Variants in SLC4A10 observed in about 807,000 individuals in gnomAD.
SLC4A10 encodes the protein sodium-driven chloride bicarbonate exchanger.
SLC4A10 carries 42 observed loss-of-function variants against 137.7 expected under a neutral mutation model. The observed-to-expected ratio is 0.30, with a 90% CI of 0.24 to 0.39. The LOEUF (loss-of-function observed/expected upper bound fraction) is 0.39. Among genes scored for constraint, SLC4A10 ranks in the 10% least tolerant of loss-of-function variants. The pLI is 1.00. For synonymous variants in SLC4A10, 474 were observed against 464.1 expected, an observed-to-expected ratio of 1.02 and a Z score of -0.27; for missense variants, 925 against 1,355.0, an observed-to-expected ratio of 0.68 and a Z score of 4.98.
chr2:161,951,957 A>G (rs1012852740), intron 19 of SLC4A10, among the ~76,000 whole-genome samples: 7 of 152,198 alleles, frequency 4.6e-5, no homozygotes, highest in Non-Finnish European at 8.8e-5. Flanking sequence ...AACGTAAGTT[A>G]AGAATTCTCA....
At chr2:161,881,431 A>G (rs2061772884) in intron 9 of SLC4A10, among the ~76,000 whole-genome samples, 1 of 152,006 alleles carries the variant, frequency 6.6e-6, no homozygotes, top group African/African-American at 2.4e-5. Flanking sequence ...ATATTGTCAT[A>G]TCCTCTACAA....
At position 161,947,582 on chromosome 2, in the gene SLC4A10, A is replaced by G; in HGVS notation, c.2120A>G (p.His707Arg). Residue 707 changes from histidine to arginine, a missense_variant, in exon 17 of 27, where the codon CAT becomes CGT. His to Arg is a conservative substitution (Grantham distance 29, BLOSUM62 0). Around this residue, in one of 11 missense-constraint regions of SLC4A10, gnomAD observed 91 missense variants for 95.6 expected, o/e 0.95. Coordinates refer to ENST00000446997, the MANE Select transcript of SLC4A10 (RefSeq NM_001178015.2). ...NLTVSECKSL[H>R]GEYVGRACGH... is the part of the protein sequence containing the mutation. ...CTCTGGCAGGAATGCAAATCATTGC[A>G]TGGAGAGTATGTTGGACGGGCCTGT... 2 of 1,611,582 alleles carry G rather than the reference A, an allele frequency of 1.2e-6. No homozygotes were observed. The highest frequency in any genetic ancestry group is 1.1e-5 in the South Asian group (1 of 90,584).
At chr2:161,924,890 T>C (rs1427972556) in intron 15 of SLC4A10, among the ~76,000 whole-genome samples, 1 of 152,152 alleles carries the variant, frequency 6.6e-6, no homozygotes, top group African/African-American at 2.4e-5. Context: ...GGAGAAGCCA[T>C]ATCATCAGGT....
At chr2:161,877,759 A>G (rs1203555891) in intron 8 of SLC4A10, among the ~76,000 whole-genome samples, 5 of 152,056 alleles carry the variant, frequency 3.3e-5, no homozygotes, top group African/African-American at 1.2e-4. Flanking sequence ...TTTTGGATGT[A>G]TAATATTTGT....
At chr2:161,841,375 T>G (rs2059171450) in intron 4 of SLC4A10, among the ~76,000 whole-genome samples, 1 of 152,114 alleles carries the variant, frequency 6.6e-6, no homozygotes, top group African/African-American at 2.4e-5. Flanking sequence ...ACCATGCCCC[T>G]GCTGACACAG....
chr2:161,716,743 G>A (rs1240698449), intron 1 of SLC4A10, among the ~76,000 whole-genome samples: 2 of 151,674 alleles, frequency 1.3e-5, no homozygotes, highest in African/African-American at 4.8e-5. Flanking sequence ...GTAGGGTGAT[G>A]TTGCCAGCTT....
intron 10 of SLC4A10, among the ~76,000 whole-genome samples, chr2:161,890,619 T>C (rs2062814668): frequency 6.6e-6 from 1 of 152,152 alleles, no homozygotes; most frequent in African/African-American, 2.4e-5. Context: ...AACCCCAGCT[T>C]GCATTTTGCT....
chr2:161,738,988 A>C (rs1258347577), intron 1 of SLC4A10, among the ~76,000 whole-genome samples: 1 of 152,168 alleles, frequency 6.6e-6, no homozygotes, highest in Non-Finnish European at 1.5e-5. Context: ...ACCCACCTCT[A>C]TCAGGCCCTC....
intron 2 of SLC4A10, among the ~76,000 whole-genome samples, chr2:161,796,795 T>TA (rs2054820768): frequency 6.6e-6 from 1 of 152,228 alleles, no homozygotes; most frequent in African/African-American, 2.4e-5. Context: ...CAGCAACTTC[T>TA]CGGTTTTTCC....
At chr2:161,758,479 G>T (rs1041482456) in intron 1 of SLC4A10, among the ~76,000 whole-genome samples, 13 of 151,860 alleles carry the variant, frequency 8.6e-5, no homozygotes, top group African/African-American at 2.9e-4. Flanking sequence ...TTTCCACTCT[G>T]CTTTGATTTG....
At chr2:161,660,994 A>G (rs2038312265) in intron 1 of SLC4A10, among the ~76,000 whole-genome samples, 1 of 152,000 alleles carries the variant, frequency 6.6e-6, no homozygotes. Context: ...AGATTTATAA[A>G]TAAGCTTTGA....
chr2:161,780,635 C>A (rs546536396), intron 2 of SLC4A10, among the ~76,000 whole-genome samples: 1 of 151,854 alleles, frequency 6.6e-6, no homozygotes, highest in South Asian at 2.1e-4. Flanking sequence ...TTCTTCAGAG[C>A]GGCTCATATA....
chr2:161,961,860 C>T (rs1247232664), intron 21 of SLC4A10, among the ~76,000 whole-genome samples: 1 of 152,014 alleles, frequency 6.6e-6, no homozygotes, highest in Non-Finnish European at 1.5e-5. Flanking sequence ...TTAAAGAACA[C>T]AAATGAAACA....
intron 2 of SLC4A10, among the ~76,000 whole-genome samples, chr2:161,783,124 A>G (rs1008458023): frequency 3.9e-5 from 6 of 152,068 alleles, no homozygotes; most frequent in Admixed American, 1.3e-4. Context: ...TCATAAGAGT[A>G]TAAGTAGATT....
intron 1 of SLC4A10, among the ~76,000 whole-genome samples, chr2:161,675,288 C>T (rs1279562007): frequency 6.6e-6 from 1 of 152,098 alleles, no homozygotes; most frequent in East Asian, 1.9e-4. Flanking sequence ...CCAAAGATGC[C>T]ACGGATGATC....
chr2:161,892,429 C>A (rs973831018), intron 10 of SLC4A10, among the ~76,000 whole-genome samples: 1 of 151,514 alleles, frequency 6.6e-6, no homozygotes, highest in Non-Finnish European at 1.5e-5. Context: ...AAAAAAATCT[C>A]TTTCTCAAAA....
intron 6 of SLC4A10, among the ~76,000 whole-genome samples, chr2:161,866,951 A>G (rs2060797332): frequency 6.6e-6 from 1 of 151,952 alleles, no homozygotes; most frequent in Non-Finnish European, 1.5e-5. Flanking sequence ...AATAATTTCT[A>G]ACTCTGTTCG....
At chr2:161,642,424 A>G (rs2035440611) in intron 1 of SLC4A10, among the ~76,000 whole-genome samples, 1 of 152,046 alleles carries the variant, frequency 6.6e-6, no homozygotes. Flanking sequence ...TCCATAAAAA[A>G]AGATTTGATG....
At chr2:161,735,864 T>C (rs1160788377) in intron 1 of SLC4A10, among the ~76,000 whole-genome samples, 1 of 152,182 alleles carries the variant, frequency 6.6e-6, no homozygotes, top group African/African-American at 2.4e-5. Context: ...TACAGTCAAA[T>C]TAAGTATCAA....
Sources: allele counts gnomAD v4.1 joint callset (sites outside exome capture counted in the v4.1 genomes callset), GRCh38; gene constraint gnomAD v4.1.1; regional missense constraint gnomAD v4.1.1; transcripts MANE v1.5; gene names NCBI Gene and HGNC (gene_info 2026-07-23, HGNC 2026-07-21).